The following ATP8B3 variants were observed in gnomAD, a reference collection of about 807,000 sequenced individuals.
The protein encoded by ATP8B3 is phospholipid-transporting ATPase IK.
ATP8B3 carries 141 observed loss-of-function variants against 140.9 expected under a neutral mutation model. The observed-to-expected ratio is 1.00, with a 90% CI of 0.87 to 1.15. The LOEUF is 1.15. Ranked by LOEUF, ATP8B3 falls within the 50% of genes most tolerant of loss-of-function variation. The pLI, the probability that ATP8B3 is intolerant of heterozygous loss-of-function variation, is 0.00. For missense variants in ATP8B3, 1,874 were observed against 1,740.6 expected, an observed-to-expected ratio of 1.08 and a Z score of -1.36; for synonymous variants, 765 against 714.6, an observed-to-expected ratio of 1.07 and a Z score of -1.13.
intron 20 of ATP8B3, 75 bp from the exon 21 acceptor site, chr19:1,790,907 C>G (rs1368932649): frequency 7.3e-7 from 1 of 1,366,896 alleles, no homozygotes; most frequent in Admixed American, 2.0e-5. Context: ...CCACTCTGCC[C>G]GGTGAATCCT....
Position 1,795,872 on chromosome 19 carries a change from C to T in ATP8B3, c.2055+3G>A. On this transcript the variant is annotated splice_donor_region_variant and intron_variant, in intron 18 of 28. Coordinates refer to ENST00000310127, the MANE Select transcript of ATP8B3 (RefSeq NM_138813.4). ...ATAAGCCAGCCTTCCTGAAGGGACT[C>T]ACAGCCAAGGCCTCCTCTGTGGCAA... 6.2e-7 allele frequency: 1 copy of T among 1,611,314 alleles called. No individual in the cohort carries two copies. The highest frequency in any genetic ancestry group is 8.5e-7 in the Non-Finnish European group (1 of 1,179,178).
In ATP8B3 at chr19:1,805,575, C is replaced by A; in HGVS notation, c.822-119G>T. 1.1e-6 allele frequency: 1 copy of A among 918,278 alleles called. No homozygotes were observed. Among genetic ancestry groups the A allele is most frequent in the Non-Finnish European group, 1.7e-6 (1 of 580,050 alleles). The allele number at this position is 918,278 out of a possible 1,614,324, so 56.9% of individuals were successfully genotyped here. A position where few individuals can be genotyped will look rare whatever the true frequency, so the allele number is the denominator to read the frequency against. ...TGAGCACCTACTAGTTCGCCAGCTGCCAGTCAGATGGCTGAGGCCCAGAGA... is the reference window on the plus strand; with the variant it reads ...TGAGCACCTACTAGTTCGCCAGCTGACAGTCAGATGGCTGAGGCCCAGAGA... On this transcript the variant is annotated intron_variant, in intron 9 of 28. Transcript: ENST00000310127. This position sits in a 1 kb window ranked among gnomAD's most constrained non-coding sequence, Gnocchi z 5.2.
At chr19:1,802,066 T>TCCGGGGGGGGGGGGGGCCCC in intron 11 of ATP8B3, 22 bp from the exon 12 acceptor site, 1 of 1,523,946 alleles carries the variant, frequency 6.6e-7, no homozygotes, top group Non-Finnish European at 8.8e-7. Flanking sequence ...TATCCATCTA[T>TCCGGGGGGGGGGGGGGCCCC]CCACCCACCC....
rs548928565 is a variant in ATP8B3, at chr19:1,806,116, C to T, written c.731G>A (p.Arg244His). The T allele has an allele frequency of 1.9e-5, 31 of 1,602,686 alleles. No individual in the cohort carries two copies. The African/African-American group carries it at 2.3e-4, about 12-fold the overall frequency. The change falls in exon 8 of 29, where the codon CGC (arginine) becomes CAC (histidine). Residue 244 changes from arginine to histidine, a missense_variant. Transcript: ENST00000310127. This position sits in a 1 kb window ranked among gnomAD's most constrained non-coding sequence, Gnocchi z 5.6. ...GCTCACTGGGACGATGTTGTCCTTG[C>T]GGAGACAGACCACATCCCCCACGCA... ...DLCVGDVVCL[R>H]KDNIVPADML...
intron 23 of ATP8B3, 55 bp from the exon 24 acceptor site, chr19:1,789,175 C>T: frequency 9.3e-7 from 1 of 1,073,902 alleles, no homozygotes; most frequent in East Asian, 3.4e-5. Flanking sequence ...CCCGCCCGCC[C>T]CCCCAGACCC....
In ATP8B3 at chr19:1,791,730, C is replaced by T. The variant is rs556062718; in HGVS notation, c.2302+20G>A. The T allele has an allele frequency of 9.9e-5, 158 of 1,590,398 alleles. No homozygotes were observed. Among genetic ancestry groups the T allele is most frequent in the South Asian group, 2.1e-4 (19 of 90,420 alleles). On this transcript the variant is annotated intron_variant, in intron 20 of 28. Coordinates refer to ENST00000310127, the MANE Select transcript of ATP8B3 (RefSeq NM_138813.4). ...CCCATGCTGCAGGGGCTTAGCCACCCGGAGCTGCCCGGGACTCACCCTGCT... is the reference window on the plus strand; with the variant it reads ...CCCATGCTGCAGGGGCTTAGCCACCTGGAGCTGCCCGGGACTCACCCTGCT...
In ATP8B3 at chr19:1,783,198, A is replaced by G. The variant is rs765985528; in HGVS notation, c.3733T>C (p.Ser1245Pro). ...GCATAGCTGGAACGGCGGGCACGAGACTCCCGGTGTACATGAGGCAAGGGC... is the reference window on the plus strand; with the variant it reads ...GCATAGCTGGAACGGCGGGCACGAGGCTCCCGGTGTACATGAGGCAAGGGC... ...MEPLPHVHRE[S>P]RARRSSYAFS... Residue 1245 changes from serine to proline, a missense_variant, in exon 29 of 29, where the codon TCT becomes CCT. Physicochemically the swap from Ser to Pro is moderately conservative, Grantham distance 74. This residue lies in a region of ATP8B3 where 840 missense variants were observed against 760.9 expected (regional missense o/e 1.10). Transcript: ENST00000310127. 1 of 1,611,738 alleles carries G rather than the reference A, an allele frequency of 6.2e-7. No individual in the cohort carries two copies. The highest frequency in any genetic ancestry group is 8.5e-7 in the Non-Finnish European group (1 of 1,179,204).
At position 1,805,586 on chromosome 19, in the gene ATP8B3, G is replaced by A. The variant is rs1302823145; in HGVS notation, c.822-130C>T. The stretch of plus-strand genomic sequence containing the variant: ...TAGTTCGCCAGCTGCCAGTCAGATG[G>A]CTGAGGCCCAGAGAGGGAGAAGGCC... On this transcript the variant is annotated intron_variant, in intron 9 of 28. Coordinates refer to ENST00000310127, the MANE Select transcript of ATP8B3 (RefSeq NM_138813.4). This position sits in a 1 kb window ranked among gnomAD's most constrained non-coding sequence, Gnocchi z 5.2. The A allele has an allele frequency of 2.3e-6, 2 of 870,180 alleles. No individual in the cohort carries two copies. Among genetic ancestry groups the A allele is most frequent in the Non-Finnish European group, 3.7e-6 (2 of 540,098 alleles). 53.9% of individuals were successfully genotyped at this position (870,180 alleles called of 1,614,324 possible).
Position 1,805,458 on chromosome 19 carries a change from T to G in ATP8B3, c.822-2A>C. 2 of 1,559,202 alleles carry G rather than the reference T, an allele frequency of 1.3e-6. No homozygotes were observed. Among genetic ancestry groups the G allele is most frequent in the Non-Finnish European group, 8.7e-7 (1 of 1,149,634 alleles). On this transcript the variant is annotated splice_acceptor_variant, in intron 9 of 28. Transcript: ENST00000310127. LOFTEE classifies it high-confidence loss of function. This position sits in a 1 kb window ranked among gnomAD's most constrained non-coding sequence, Gnocchi z 5.2. ...TGTCTGAACTTCAAGTTGGTCTCCC[T>G]GGTGACGAGGAGAGGAGGGAGGTGA...
At chr19:1,787,987 A>G (rs1033046310) in intron 24 of ATP8B3, among the ~76,000 whole-genome samples, 1 of 152,166 alleles carries the variant, frequency 6.6e-6, no homozygotes, top group African/African-American at 2.4e-5. Context: ...GGTTGCAGTG[A>G]GCCAAGATCA....
chr19:1,800,006 C>T lies in ATP8B3; in HGVS notation c.1493G>A (p.Gly498Asp). 2 of 1,605,670 alleles carry T rather than the reference C, an allele frequency of 1.2e-6. No individual in the cohort carries two copies. Among genetic ancestry groups the T allele is most frequent in the Non-Finnish European group, 1.7e-6 (2 of 1,176,508 alleles). The change falls in exon 14 of 29, where the codon GGC becomes GAC. Residue 498 changes from glycine (G) to aspartate (D), a missense_variant. Coordinates refer to ENST00000310127, the MANE Select transcript of ATP8B3 (RefSeq NM_138813.4). The surrounding 1 kb of genome is among the most constrained non-coding windows in gnomAD (Gnocchi z 4.4). Reference protein sequence around the residue: ...QVEYIFSDKTGTLTQNILTFN... With the variant: ...QVEYIFSDKTDTLTQNILTFN... The stretch of plus-strand genomic sequence containing the variant: ...GGTCAAGATGTTCTGCGTGAGCGTG[C>T]CCGTCTTGTCCGAGAAGATGTATTC...
intron 25 of ATP8B3, 98 bp from the exon 26 acceptor site, chr19:1,785,806 CTG>C: frequency 7.7e-7 from 1 of 1,302,762 alleles, no homozygotes; most frequent in Admixed American, 2.4e-5. Flanking sequence ...TGGCCACTCT[CTG>C]TGTGTGGCTC....
At chr19:1,809,310 G>A (rs899823336) in intron 4 of ATP8B3, among the ~76,000 whole-genome samples, 12 of 151,672 alleles carry the variant, frequency 7.9e-5, no homozygotes, top group African/African-American at 2.7e-4. Context: ...TGGTGAAACT[G>A]TCTCTACTAA....
At chr19:1,789,201 CCCT>C (rs2068405801) in intron 23 of ATP8B3, 81 bp from the exon 24 acceptor site, 6 of 810,364 alleles carry the variant, frequency 7.4e-6, no homozygotes, top group Middle Eastern at 4.0e-4. Flanking sequence ...CTGTTCTGCC[CCCT>C]ATCAGCCCCC....
At position 1,805,369 on chromosome 19, in the gene ATP8B3, C is replaced by A; in HGVS notation, c.904+5G>T. ...GGACGTGACTCCCTGCTCAACGCCT[C>A]TCACCTTGAAAGGACGCCATCTTCT... On this transcript the variant is annotated splice_donor_5th_base_variant and intron_variant, in intron 10 of 28. Coordinates refer to ENST00000310127, the MANE Select transcript of ATP8B3 (RefSeq NM_138813.4). The surrounding 1 kb of genome is among the most constrained non-coding windows in gnomAD (Gnocchi z 5.2). 1 of 1,560,404 alleles carries A rather than the reference C, an allele frequency of 6.4e-7. No homozygotes were observed. The highest frequency in any genetic ancestry group is 8.7e-7 in the Non-Finnish European group (1 of 1,149,878).
chr19:1,795,420 G>A (rs746444894), intron 18 of ATP8B3, among the ~76,000 whole-genome samples: 10 of 152,170 alleles, frequency 6.6e-5, no homozygotes, highest in East Asian at 1.9e-4. Context: ...GTGCACTGGC[G>A]TGTGCCTGTA....
intron 21 of ATP8B3, 81 bp from the exon 22 acceptor site, chr19:1,790,070 C>A: frequency 9.6e-7 from 1 of 1,046,660 alleles, no homozygotes; most frequent in South Asian, 1.3e-5. Context: ...GCCCCTCCCA[C>A]CCCTTCCACT....
chr19:1,791,712 T>C (rs763048119), intron 20 of ATP8B3, 38 bp downstream of exon 20: 9 of 1,504,024 alleles, frequency 6.0e-6, no homozygotes, highest in Non-Finnish European at 8.3e-6. Flanking sequence ...AGACCCATGC[T>C]GCAGGGGCTT....
intron 18 of ATP8B3, among the ~76,000 whole-genome samples, chr19:1,795,443 C>T (rs2068634516): frequency 6.6e-6 from 1 of 150,538 alleles, no homozygotes; most frequent in Non-Finnish European, 1.5e-5. Flanking sequence ...TCCAGCTCCT[C>T]GGGAGGCTGA....
Sources: allele counts gnomAD v4.1 joint callset (sites outside exome capture counted in the v4.1 genomes callset), GRCh38; gene constraint gnomAD v4.1.1; regional missense constraint gnomAD v4.1.1; non-coding constraint Gnocchi (gnomAD v3.1); transcripts MANE v1.5; gene names NCBI Gene and HGNC (gene_info 2026-07-23, HGNC 2026-07-21).